The following LRRC45 variants were observed in gnomAD, a reference collection of about 807,000 sequenced individuals.
LRRC45 encodes the protein leucine-rich repeat-containing protein 45.
LRRC45 carries 73 observed loss-of-function variants against 85.4 expected under a neutral mutation model. That is an observed-to-expected ratio of 0.85 (90% CI 0.71 to 1.04). The LOEUF is 1.04. Among genes scored for constraint, LRRC45 ranks in the 50% least tolerant of loss-of-function variants. The pLI is 0.00. For missense variants in LRRC45, 937 were observed against 883.3 expected, an observed-to-expected ratio of 1.06 and a Z score of -0.77; for synonymous variants, 429 against 386.0, an observed-to-expected ratio of 1.11 and a Z score of -1.31.
chr17:82,029,876 G>C (rs998716515), intron 14 of LRRC45, among the ~76,000 whole-genome samples, 189 bp from the exon 15 acceptor site: 1 of 152,234 alleles, frequency 6.6e-6, no homozygotes, highest in Admixed American at 6.5e-5. Context: ...GAGGGGTGGT[G>C]TGACCGAAGA....
intron 8 of LRRC45, 89 bp downstream of exon 8, chr17:82,027,840 A>AC: frequency 6.5e-7 from 1 of 1,543,900 alleles, no homozygotes; most frequent in South Asian, 1.2e-5. Flanking sequence ...TCCTGTTTGC[A>AC]AAGCAGAGGT....
In LRRC45 at chr17:82,030,787, C is replaced by A; in HGVS notation, c.1995C>A (p.Thr665=). The A allele has an allele frequency of 7.2e-7, 1 of 1,386,030 alleles. No individual in the cohort carries two copies. The highest frequency in any genetic ancestry group is 1.5e-5 in the African/African-American group (1 of 67,620). 85.9% of individuals were successfully genotyped at this position (1,386,030 alleles called of 1,614,324 possible). A position where few individuals can be genotyped will look rare whatever the true frequency, so the allele number is the denominator to read the frequency against. ...LAYVQASPVR[T]LSPPK ...ACGTGCAGGCGTCCCCCGTGAGGAC[C>A]CTGAGCCCCCCAAAGTGAGACAGGC... The change falls in exon 17 of 17, where the codon ACC becomes ACA. Residue 665 remains threonine (T), a synonymous_variant. Transcript: ENST00000306688.
Position 82,024,718 on chromosome 17 carries a change from C to T in LRRC45, c.308C>T (p.Ala103Val), listed in dbSNP as rs2043351452. Reference protein sequence around the residue: ...LKGNNLRAAGAEALGKLLQQN... With the variant: ...LKGNNLRAAGVEALGKLLQQN... ...GGCAACAACCTTCGGGCTGCAGGGG[C>T]CGAGGCTCTGGGAAAACTCCTCCAA... The change falls in exon 3 of 17, where the codon GCC (alanine) becomes GTC (valine). Residue 103 changes from alanine to valine, a missense_variant. By Grantham distance (64) the Ala-to-Val change is moderately conservative (BLOSUM62 0). Transcript: ENST00000306688. 6.3e-7 allele frequency: 1 copy of T among 1,577,700 alleles called. No homozygotes were observed. Among genetic ancestry groups the T allele is most frequent in the Non-Finnish European group, 8.6e-7 (1 of 1,165,510 alleles).
At chr17:82,029,344 C>CT (rs1181144473) in intron 13 of LRRC45, 159 bp downstream of exon 13, 7 of 892,132 alleles carry the variant, frequency 7.8e-6, no homozygotes, top group Non-Finnish European at 1.0e-5. Context: ...GCCCAAGAAG[C>CT]TAAAGGGACT....
rs760714350 is a variant in LRRC45, at chr17:82,024,322, C to T, written c.265C>T (p.Arg89Cys). The T allele has an allele frequency of 5.1e-5, 83 of 1,612,298 alleles. No individual in the cohort carries two copies. In the South Asian group the frequency reaches 6.5e-4, roughly 13 times the overall value. Residue 89 changes from arginine (R) to cysteine (C), a missense_variant, in exon 2 of 17, where the codon CGC becomes TGC. Physicochemically the swap from Arg to Cys is radical, Grantham distance 180. Coordinates refer to ENST00000306688, the MANE Select transcript of LRRC45 (RefSeq NM_144999.4). ...LRGLCANTVL[R>C]FLDLKGNNLR... ...AGGCCTGTGTGCCAACACCGTGCTGCGCTTTCTGGACTTAAAGGTGAGATA... is the reference window on the plus strand; with the variant it reads ...AGGCCTGTGTGCCAACACCGTGCTGTGCTTTCTGGACTTAAAGGTGAGATA...
Position 82,023,855 on chromosome 17 carries a change from G to A in LRRC45, c.212G>A (p.Ser71Asn). 6.4e-7 allele frequency: 1 copy of A among 1,559,256 alleles called. No individual in the cohort carries two copies. The highest frequency in any genetic ancestry group is 8.7e-7 in the Non-Finnish European group (1 of 1,153,948). The change falls in exon 1 of 17, where the codon AGC becomes AAC. Residue 71 changes from serine to asparagine, a missense_variant. Physicochemically the swap from Ser to Asn is conservative, Grantham distance 46. Transcript: ENST00000306688. ...CTGGTCCTGAGTGACTGCATGCTCAGCGAGGAAGGTGGGCAGGCGCGGCGG... is the reference window on the plus strand; with the variant it reads ...CTGGTCCTGAGTGACTGCATGCTCAACGAGGAAGGTGGGCAGGCGCGGCGG... ...TELVLSDCML[S>N]EEGATLLLRG... is the part of the protein sequence containing the mutation.
chr17:82,030,472 C>A lies in LRRC45; in HGVS notation c.1816+6C>A. On this transcript the variant is annotated splice_donor_region_variant and intron_variant, in intron 16 of 16. Coordinates refer to ENST00000306688, the MANE Select transcript of LRRC45 (RefSeq NM_144999.4). ...CCTGGAGCGCCAGCTGAAAGGTGAG[C>A]CAGACCCTTGTCCTCCCGCCGCCCA... The A allele has an allele frequency of 6.5e-7, 1 of 1,541,190 alleles. No individual in the cohort carries two copies.
chr17:82,030,176 C>A lies in LRRC45; in HGVS notation c.1606C>A (p.Arg536=). 6.5e-7 allele frequency: 1 copy of A among 1,544,632 alleles called. No homozygotes were observed. The highest frequency in any genetic ancestry group is 2.4e-5 in the East Asian group (1 of 40,820). Residue 536 remains arginine, a synonymous_variant, in exon 15 of 17, where the codon CGG becomes AGG. Coordinates refer to ENST00000306688, the MANE Select transcript of LRRC45 (RefSeq NM_144999.4). The part of the protein sequence containing the change: ...QKQVVAEAQT[R]VSQLGLQVEG... ...GCAGGTGGTGGCCGAGGCCCAGACC[C>A]GGGTCAGCCAGCTGGGCCTGCAAGT...
At chr17:82,028,790 C>A in intron 12 of LRRC45, 107 bp downstream of exon 12, 1 of 1,261,110 alleles carries the variant, frequency 7.9e-7, no homozygotes, top group South Asian at 1.4e-5. Flanking sequence ...AACCTTGGGT[C>A]ACTGGGTGGC....
At position 82,030,433 on chromosome 17, in the gene LRRC45, G is replaced by A; in HGVS notation, c.1783G>A (p.Glu595Lys). ...AELAAQEALREKAAALERQLK... is the reference protein window; with the variant it reads ...AELAAQEALRKKAAALERQLK... ...GCTGGCGGCTCAGGAGGCGCTGAGG[G>A]AGAAGGCGGCGGCCCTGGAGCGCCA... is the stretch of plus-strand genomic sequence containing the variant. Residue 595 changes from glutamate (E) to lysine (K), a missense_variant, in exon 16 of 17, where the codon GAG becomes AAG. By Grantham distance (56) the Glu-to-Lys change is moderately conservative (BLOSUM62 1). Transcript: ENST00000306688. 1.9e-6 allele frequency: 3 copies of A among 1,548,488 alleles called. No individual in the cohort carries two copies. The highest frequency in any genetic ancestry group is 1.4e-5 in the African/African-American group (1 of 73,226).
intron 5 of LRRC45, among the ~76,000 whole-genome samples, chr17:82,026,334 A>AC (rs1234116776): frequency 1.3e-5 from 2 of 152,016 alleles, no homozygotes; most frequent in Admixed American, 6.5e-5. Flanking sequence ...AGCAGCTCCC[A>AC]CCACCTCTGC....
At position 82,025,158 on chromosome 17, in the gene LRRC45, A is replaced by C. The variant is rs2144140200; in HGVS notation, c.512A>C (p.Asn171Thr). 8 of 1,602,042 alleles carry C rather than the reference A, an allele frequency of 5.0e-6. No homozygotes were observed. The highest frequency in any genetic ancestry group is 6.0e-6 in the Non-Finnish European group (7 of 1,173,440). Residue 171 changes from asparagine (N) to threonine (T), a missense_variant, in exon 4 of 17, where the codon AAC becomes ACC. Transcript: ENST00000306688. ...GAGCTGGCCCTAGCCCTGAAGGGCA[A>C]CACCACCCTCCAGCAGCTGGGTGAG... ...AEELALALKGNTTLQQLDLRW... is the reference protein window; with the variant it reads ...AEELALALKGTTTLQQLDLRW...
chr17:82,024,895 G>A (rs2043353931), intron 3 of LRRC45, 105 bp from the exon 4 acceptor site: 5 of 1,439,410 alleles, frequency 3.5e-6, no homozygotes, highest in African/African-American at 1.4e-5. Flanking sequence ...GGGGTAGGCA[G>A]AGGCTCCGGC....
rs1465814646 is a variant in LRRC45 at position 82,028,228 on chromosome 17, T to A, written c.1048-6T>A. ...CCTCACTACCCATACCCCGTTCCCCTCCCAGGAAGCTGCAGAGCGGGAGTC... is the reference window on the plus strand; with the variant it reads ...CCTCACTACCCATACCCCGTTCCCCACCCAGGAAGCTGCAGAGCGGGAGTC... On this transcript the variant is annotated splice_region_variant and splice_polypyrimidine_tract_variant and intron_variant, in intron 9 of 16. Coordinates refer to ENST00000306688, the MANE Select transcript of LRRC45 (RefSeq NM_144999.4). 3 of 1,570,080 alleles carry A rather than the reference T, an allele frequency of 1.9e-6. No individual in the cohort carries two copies. In the South Asian group the frequency reaches 3.5e-5, roughly 18 times the overall value.
chr17:82,029,023 G>T, intron 12 of LRRC45, 70 bp from the exon 13 acceptor site: 5 of 1,389,030 alleles, frequency 3.6e-6, no homozygotes, highest in Non-Finnish European at 5.0e-6. Context: ...TTTCAGGGTG[G>T]GGAGTCCGTG....
At chr17:82,024,236 G>A (rs1272893038) in intron 1 of LRRC45, 42 bp from the exon 2 acceptor site, 3 of 1,605,216 alleles carry the variant, frequency 1.9e-6, no homozygotes, top group East Asian at 4.5e-5. Flanking sequence ...GGGCCTTGGG[G>A]TCAGCAGGGG....
chr17:82,027,664 C>G lies in LRRC45; in HGVS notation c.834-10C>G. On this transcript the variant is annotated splice_polypyrimidine_tract_variant and intron_variant, in intron 7 of 16. Coordinates refer to ENST00000306688, the MANE Select transcript of LRRC45 (RefSeq NM_144999.4). ...TGGGTTACTCTCTGCACCCTCCTCT[C>G]TGCCCACAGGGCGTCGGCAGCCCGT... 1 of 1,608,654 alleles carries G rather than the reference C, an allele frequency of 6.2e-7. No homozygotes were observed. Among genetic ancestry groups the G allele is most frequent in the Non-Finnish European group, 8.5e-7 (1 of 1,177,992 alleles).
rs535685763 is a variant in LRRC45, at chr17:82,030,219, G to A, written c.1649G>A (p.Arg550His). Reference sequence around the variant, plus strand: ...CTGCAAGTTGAGGGCCTGCGGCGGCGCCTGGAAGAGCTGCAGCAGGTAGGC... The same window carrying A: ...CTGCAAGTTGAGGGCCTGCGGCGGCACCTGGAAGAGCTGCAGCAGGTAGGC... The part of the protein sequence containing the change: ...LGLQVEGLRR[R>H]LEELQQELSL... The change falls in exon 15 of 17, where the codon CGC becomes CAC. Residue 550 changes from arginine (R) to histidine (H), a missense_variant. Transcript: ENST00000306688. 1.4e-5 allele frequency: 22 copies of A among 1,535,478 alleles called. No individual in the cohort carries two copies. In the East Asian group the frequency reaches 2.0e-4, roughly 14 times the overall value.
At chr17:82,024,211 A>C in intron 1 of LRRC45, 67 bp from the exon 2 acceptor site, 1 of 1,557,568 alleles carries the variant, frequency 6.4e-7, no homozygotes, top group Non-Finnish European at 8.7e-7. Flanking sequence ...TGCCCTGAAA[A>C]GGGGCCCACG....
Sources: gnomAD v4.1 joint callset for allele counts (sites outside exome capture counted in the v4.1 genomes callset) on GRCh38, gnomAD v4.1.1 for gene constraint, MANE v1.5 for transcripts, NCBI Gene and HGNC (gene_info 2026-07-23, HGNC 2026-07-21) for gene names.